ATAD2B: variants seen among roughly 807,000 people sequenced by gnomAD.
ATAD2B encodes the protein ATPase family AAA domain-containing protein 2B.
ATAD2B carries 40 observed loss-of-function variants against 167.6 expected under a neutral mutation model. The ratio of observed to expected loss-of-function variants is 0.24; its 90% CI spans 0.19 to 0.31. The LOEUF (loss-of-function observed/expected upper bound fraction) is 0.31. Ranked by LOEUF, ATAD2B falls within the 10% of genes least tolerant of loss-of-function variation. The pLI, the probability that ATAD2B is intolerant of heterozygous loss-of-function variation, is 1.00. For missense variants in ATAD2B, 1,242 were observed against 1,757.2 expected (o/e 0.71, Z 5.24); for synonymous variants, 579 against 596.5 (o/e 0.97, Z 0.43).
chr2:23,906,992 C>T (rs1701599163), intron 1 of ATAD2B, among the ~76,000 whole-genome samples: 1 of 149,650 alleles, frequency 6.7e-6, no homozygotes, highest in Admixed American at 6.7e-5. Context: ...CTATATATGA[C>T]ACACTCACAG....
At chr2:23,778,710 C>G (rs1250997920) in intron 22 of ATAD2B, among the ~76,000 whole-genome samples, 2 of 152,184 alleles carry the variant, frequency 1.3e-5, no homozygotes, top group African/African-American at 2.4e-5. Context: ...AATACACTTG[C>G]TCATTTAATT....
At position 23,757,903 on chromosome 2, in the gene ATAD2B, G is replaced by A; in HGVS notation, c.3593C>T (p.Thr1198Ile). 1.2e-6 allele frequency: 2 copies of A among 1,604,114 alleles called. No individual in the cohort carries two copies. The highest frequency in any genetic ancestry group is 1.3e-5 in the African/African-American group (1 of 74,082). The change falls in exon 25 of 28, where the codon ACT becomes ATT. Residue 1198 changes from threonine (T) to isoleucine (I), a missense_variant. Physicochemically the swap from Thr to Ile is moderately conservative, Grantham distance 89. Coordinates refer to ENST00000238789, the MANE Select transcript of ATAD2B (RefSeq NM_017552.4). ...ATCATTGGTCATAGATAAGTCTCCA[G>A]TCTCTTCTCCATTTTCCTCATGGCA... ...TDCHEENGEE[T>I]GDLSMTNDES...
chr2:23,771,803 C>T (rs1224785014), intron 22 of ATAD2B, among the ~76,000 whole-genome samples: 2 of 152,192 alleles, frequency 1.3e-5, no homozygotes, highest in African/African-American at 4.8e-5. Flanking sequence ...TTTTCTCACA[C>T]ATATGCACTA....
chr2:23,921,665 G>A (rs566704683), intron 1 of ATAD2B, among the ~76,000 whole-genome samples: 1 of 152,266 alleles, frequency 6.6e-6, no homozygotes, highest in Admixed American at 6.5e-5. Flanking sequence ...GCCTGTAACT[G>A]AATTTAAGCT....
Position 23,762,195 on chromosome 2 carries a change from G to C in ATAD2B, c.3394+14C>G. On this transcript the variant is annotated intron_variant, in intron 24 of 27. Transcript: ENST00000238789. Reference sequence around the variant, plus strand: ...TTGTTCTCACTACTGGATAACATGAGCTGAAATACTCACATGCACATTTAT... The same window carrying C: ...TTGTTCTCACTACTGGATAACATGACCTGAAATACTCACATGCACATTTAT... 1 of 1,612,458 alleles carries C rather than the reference G, an allele frequency of 6.2e-7. No homozygotes were observed. Among genetic ancestry groups the C allele is most frequent in the South Asian group, 1.1e-5 (1 of 90,894 alleles).
chr2:23,682,893 C>T, the ATAD2B span, among the ~76,000 whole-genome samples: 1 of 84 alleles, frequency 0.012, no homozygotes, highest in African/African-American at 0.071. The surrounding 1 kb of genome is among the most constrained non-coding windows in gnomAD (Gnocchi z 4.1). Flanking sequence ...GTGATTCGGC[C>T]TTGCCATGGC....
chr2:23,738,973 AG>A, the ATAD2B span, among the ~76,000 whole-genome samples: 1 of 152,238 alleles, frequency 6.6e-6, no homozygotes, highest in African/African-American at 2.4e-5. Flanking sequence ...ATAATGATAA[AG>A]GGATCAATTC....
intron 12 of ATAD2B, among the ~76,000 whole-genome samples, chr2:23,859,373 A>C (rs1296064072): frequency 1.3e-5 from 2 of 151,994 alleles, no homozygotes; most frequent in East Asian, 3.9e-4. Flanking sequence ...GCAGTGACAT[A>C]ATCACAGCTC....
chr2:23,766,989 G>A (rs1174800060), intron 22 of ATAD2B, among the ~76,000 whole-genome samples: 1 of 151,566 alleles, frequency 6.6e-6, no homozygotes, highest in Non-Finnish European at 1.5e-5. Flanking sequence ...TAAAGAGTTT[G>A]GAGATTTCAA....
At chr2:23,683,343 G>A in the ATAD2B span, among the ~76,000 whole-genome samples, 5,846 of 152,336 alleles carry the variant, frequency 0.038, 137 homozygotes, top group Non-Finnish European at 0.049. Flanking sequence ...GGCCTCTGAC[G>A]CGCAGCTGCC....
intron 19 of ATAD2B, among the ~76,000 whole-genome samples, chr2:23,794,340 T>C (rs762953072): frequency 1.3e-5 from 2 of 152,236 alleles, no homozygotes; most frequent in Non-Finnish European, 2.9e-5. Context: ...CAATTCTCTT[T>C]TGTGTCTGGC....
intron 1 of ATAD2B, among the ~76,000 whole-genome samples, chr2:23,918,202 CAAAAAAAAAA>C (rs35163952): frequency 5.2e-5 from 5 of 95,982 alleles, no homozygotes; most frequent in East Asian, 2.8e-4. Flanking sequence ...CTTGTCTCTA[CAAAAAAAAAA>C]AAAAAAAAAA....
intron 1 of ATAD2B, among the ~76,000 whole-genome samples, chr2:23,901,751 A>T (rs1700868605): frequency 6.6e-6 from 1 of 152,162 alleles, no homozygotes; most frequent in Admixed American, 6.5e-5. Context: ...ATGCAAAATA[A>T]ATCTCTAAGG....
intron 1 of ATAD2B, among the ~76,000 whole-genome samples, chr2:23,916,580 G>A (rs1210915649): frequency 6.6e-6 from 1 of 152,148 alleles, no homozygotes; most frequent in Non-Finnish European, 1.5e-5. Flanking sequence ...ATGCAAGAAA[G>A]TTGTCTGGCA....
At position 23,836,482 on chromosome 2, in the gene ATAD2B, T is replaced by C. The variant is rs550500023; in HGVS notation, c.1569-2404A>G. On this transcript the variant is annotated intron_variant, in intron 13 of 27. Coordinates refer to ENST00000238789, the MANE Select transcript of ATAD2B (RefSeq NM_017552.4). ...AAGCAAGGGGCATGTTTCAGCCCTG[T>C]TTGTATTATAGCTCTTTCAGCCCTG... 1.6e-4 allele frequency among the ~76,000 whole-genome samples: 24 copies of C among 152,266 alleles called. 1 individual carries two copies. The East Asian group carries it at 4.4e-3, about 28-fold the overall frequency.
intron 7 of ATAD2B, among the ~76,000 whole-genome samples, chr2:23,877,488 A>AAGGGAAGGGAAGGGAAGGGG: frequency 9.6e-6 from 1 of 104,090 alleles, no homozygotes; most frequent in African/African-American, 3.7e-5. Flanking sequence ...AGCAAGAAGG[A>AAGGGAAGGGAAGGGAAGGGG]AGGGAAGGGA....
intron 10 of ATAD2B, among the ~76,000 whole-genome samples, chr2:23,866,364 C>T (rs544158153): frequency 6.6e-6 from 1 of 152,252 alleles, no homozygotes; most frequent in Non-Finnish European, 1.5e-5. Flanking sequence ...GAGATTGCGC[C>T]ATTGTACTCC....
the ATAD2B span, chr2:23,706,468 T>A: frequency 6.8e-7 from 1 of 1,467,078 alleles, no homozygotes; most frequent in Non-Finnish European, 9.0e-7. Flanking sequence ...CTGTCCCCGC[T>A]TTCCCCCAAC....
At chr2:23,879,375 A>C (rs1379704691) in intron 7 of ATAD2B, among the ~76,000 whole-genome samples, 1 of 152,228 alleles carries the variant, frequency 6.6e-6, no homozygotes, top group Non-Finnish European at 1.5e-5. Context: ...TGGAAGGCCA[A>C]GGCAGGAGAA....
Sources: gnomAD v4.1 joint callset for allele counts (sites outside exome capture counted in the v4.1 genomes callset) on GRCh38, gnomAD v4.1.1 for gene constraint, Gnocchi (gnomAD v3.1) non-coding constraint, MANE v1.5 for transcripts, NCBI Gene and HGNC (gene_info 2026-07-23, HGNC 2026-07-21) for gene names.